Variants in ZDHHC21 observed in about 807,000 individuals in gnomAD.
ZDHHC21 encodes the protein palmitoyltransferase ZDHHC21.
In ZDHHC21, 15 loss-of-function variants were observed where a neutral mutation model predicts 34.6. The observed-to-expected ratio is 0.43, with a 90% confidence interval of 0.29 to 0.67. The LOEUF (loss-of-function observed/expected upper bound fraction) is 0.67. ZDHHC21 is among the 30% of genes least tolerant of loss of function. The pLI is 0.14. For missense variants in ZDHHC21, 344 were observed against 327.7 expected, an observed-to-expected ratio of 1.05 and a Z score of -0.38; for synonymous variants, 142 against 101.8, an observed-to-expected ratio of 1.40 and a Z score of -2.38.
At chr9:14,692,841 C>T (rs898739262) in intron 1 of ZDHHC21, among the ~76,000 whole-genome samples, 2 of 144,958 alleles carry the variant, frequency 1.4e-5, no homozygotes, top group African/African-American at 2.4e-5. Context: ...GGTCTCCAGA[C>T]GGGGGTGCGG....
At chr9:14,651,631 A>G (rs769084891) in intron 7 of ZDHHC21, among the ~76,000 whole-genome samples, 7 of 151,974 alleles carry the variant, frequency 4.6e-5, no homozygotes, top group Middle Eastern at 3.2e-3. Flanking sequence ...TACCAATAAA[A>G]TATTCATGGA....
intron 2 of ZDHHC21, among the ~76,000 whole-genome samples, chr9:14,689,440 C>T (rs1359787817): frequency 1.3e-5 from 2 of 152,170 alleles, no homozygotes; most frequent in Non-Finnish European, 2.9e-5. Flanking sequence ...GACAAAGTGT[C>T]AAAGCATAAA....
At position 14,635,288 on chromosome 9, in the gene ZDHHC21, C is replaced by T. The variant is rs377514622; in HGVS notation, c.621+4608G>A. 2.6e-5 allele frequency among the ~76,000 whole-genome samples: 4 copies of T among 152,170 alleles called. No individual in the cohort carries two copies. In the East Asian group the frequency reaches 5.8e-4, roughly 22 times the overall value. ...TTAAGGATATAACAGCTGAAAACTT[C>T]TCAAGTCTAGCAAGTGATCAAGACA... On this transcript the variant is annotated intron_variant, in intron 8 of 9. Coordinates refer to ENST00000380916, the MANE Select transcript of ZDHHC21 (RefSeq NM_178566.6).
chr9:14,690,313 A>T (rs550563653), intron 2 of ZDHHC21, 24 bp downstream of exon 2: 9 of 454,110 alleles, frequency 2.0e-5, no homozygotes, highest in South Asian at 1.4e-4. Context: ...GAACACTAAC[A>T]CCATAAGAAA....
Position 14,612,566 on chromosome 9 carries a change from T to G in ZDHHC21, c.*6400A>C, listed in dbSNP as rs1435810526. The G allele has an allele frequency of 6.6e-6, 1 of 151,966 alleles. No individual in the cohort carries two copies. Among genetic ancestry groups the G allele is most frequent in the East Asian group, 1.9e-4 (1 of 5,188 alleles). The allele number at this position is 151,966 out of a possible 1,614,324, so 9.4% of individuals were successfully genotyped here. On this transcript the variant is annotated 3_prime_UTR_variant, in exon 10 of 10. Transcript: ENST00000380916. ...CTAAGCAAAATTAGTTTTAAAAATC[T>G]TACTCTATGTAAAGTGAGTAACCAT...
intron 5 of ZDHHC21, among the ~76,000 whole-genome samples, chr9:14,668,206 AACAG>A (rs1834830984): frequency 7.4e-6 from 1 of 135,742 alleles, no homozygotes; most frequent in Non-Finnish European, 1.6e-5. Context: ...ATACATCAAC[AACAG>A]ACAAACAGAG....
At chr9:14,664,847 T>C (rs1222647552) in intron 5 of ZDHHC21, among the ~76,000 whole-genome samples, 5 of 151,334 alleles carry the variant, frequency 3.3e-5, no homozygotes, top group Non-Finnish European at 3.0e-5. Flanking sequence ...AACCCATCTG[T>C]ACATCACCAT....
At chr9:14,589,843 T>C in the ZDHHC21 span, 7 of 152,184 alleles carry the variant, frequency 4.6e-5, no homozygotes, top group Admixed American at 6.5e-5. Context: ...CGAAGTCCAA[T>C]ACTTTTAAAG....
chr9:14,613,582 T>A lies in ZDHHC21; in HGVS notation c.*5384A>T, dbSNP rs939503556. 3.3e-5 allele frequency: 5 copies of A among 151,820 alleles called. No individual in the cohort carries two copies. The highest frequency in any genetic ancestry group is 1.3e-4 in the Admixed American group (2 of 15,198). 9.4% of individuals were successfully genotyped at this position (151,820 alleles called of 1,614,324 possible). On this transcript the variant is annotated 3_prime_UTR_variant, in exon 10 of 10. Coordinates refer to ENST00000380916, the MANE Select transcript of ZDHHC21 (RefSeq NM_178566.6). The stretch of plus-strand genomic sequence containing the variant: ...TAAGCTATTTTGTCCGCATCTTTGT[T>A]TATATATAAAGCTATCGATACCAAA...
At chr9:14,654,027 A>C (rs984017398) in intron 7 of ZDHHC21, among the ~76,000 whole-genome samples, 1 of 152,038 alleles carries the variant, frequency 6.6e-6, no homozygotes, top group East Asian at 1.9e-4. Context: ...ACTGCTTTTT[A>C]TCTGAAAGTA....
At chr9:14,669,770 T>C (rs1374189380) in intron 5 of ZDHHC21, among the ~76,000 whole-genome samples, 1 of 147,086 alleles carries the variant, frequency 6.8e-6, no homozygotes, top group Non-Finnish European at 1.5e-5. Flanking sequence ...AACCAAACAC[T>C]CCATATTCTC....
chr9:14,623,075 G>T lies in ZDHHC21; in HGVS notation c.622-3393C>A, dbSNP rs74730320. Reference sequence around the variant, plus strand: ...AAGACCTGATCCTATGAAACTACTGGAAGAAAACATAGAGGAAATGCTTTA... The same window carrying T: ...AAGACCTGATCCTATGAAACTACTGTAAGAAAACATAGAGGAAATGCTTTA... On this transcript the variant is annotated intron_variant, in intron 8 of 9. Coordinates refer to ENST00000380916, the MANE Select transcript of ZDHHC21 (RefSeq NM_178566.6). 7.7e-3 allele frequency among the ~76,000 whole-genome samples: 1,169 copies of T among 150,976 alleles called. 6 individuals are homozygous for T. Among genetic ancestry groups the T allele is most frequent in the Non-Finnish European group, 0.013 (856 of 67,866 alleles).
the ZDHHC21 span, among the ~76,000 whole-genome samples, chr9:14,597,893 C>A: frequency 6.6e-6 from 1 of 152,090 alleles, no homozygotes; most frequent in Non-Finnish European, 1.5e-5. Context: ...TGAGAATTAA[C>A]CCACTCTACC....
downstream of ZDHHC21, among the ~76,000 whole-genome samples, chr9:14,610,809 A>G (rs1823195276): frequency 2.0e-5 from 3 of 152,072 alleles, no homozygotes; most frequent in South Asian, 4.1e-4. Context: ...GAATCCAGCC[A>G]TCTGCGTCAT....
intron 2 of ZDHHC21, among the ~76,000 whole-genome samples, chr9:14,687,910 T>C (rs1564411298): frequency 6.6e-6 from 1 of 150,954 alleles, no homozygotes; most frequent in African/African-American, 2.5e-5. Context: ...ATTTTAAACT[T>C]ATTAATTACA....
the ZDHHC21 span, among the ~76,000 whole-genome samples, chr9:14,604,851 A>G: frequency 6.6e-6 from 1 of 152,176 alleles, no homozygotes. Context: ...CAGAAACTCT[A>G]TACCTTTTGA....
At chr9:14,595,974 G>A in the ZDHHC21 span, among the ~76,000 whole-genome samples, 3 of 152,206 alleles carry the variant, frequency 2.0e-5, no homozygotes, top group Non-Finnish European at 4.4e-5. Context: ...TACATTGCTG[G>A]TGGGAGTGTA....
chr9:14,652,359 T>C (rs534842392), intron 7 of ZDHHC21, among the ~76,000 whole-genome samples: 99 of 152,048 alleles, frequency 6.5e-4, no homozygotes, highest in African/African-American at 1.7e-3. Flanking sequence ...AATTTGGGCA[T>C]TGATTCATGA....
intron 5 of ZDHHC21, among the ~76,000 whole-genome samples, chr9:14,664,398 A>T (rs374089856): frequency 6.6e-5 from 10 of 151,040 alleles, no homozygotes; most frequent in East Asian, 3.9e-4. Context: ...CAGCAGTCTG[A>T]GATCAAACTG....
Sources: gnomAD v4.1 joint callset for allele counts (sites outside exome capture counted in the v4.1 genomes callset) on GRCh38, gnomAD v4.1.1 for gene constraint, MANE v1.5 for transcripts, NCBI Gene and HGNC (gene_info 2026-07-23, HGNC 2026-07-21) for gene names.